Variants in KCNK10 observed in about 807,000 individuals in gnomAD.
KCNK10 encodes potassium two pore domain channel subfamily K member 10, also known as potassium channel subfamily K member 10.
Under a neutral mutation model 47.7 loss-of-function variants are expected in KCNK10, and 25 were observed. The ratio of observed to expected loss-of-function variants is 0.52; its 90% CI spans 0.38 to 0.73. KCNK10 has a LOEUF of 0.73. Among genes scored for constraint, KCNK10 ranks in the 30% least tolerant of loss-of-function variants. KCNK10 has a pLI of 0.00. For missense variants in KCNK10, 563 were observed against 714.5 expected (o/e 0.79, Z 2.42); for synonymous variants, 303 against 285.6 (o/e 1.06, Z -0.61).
At chr14:88,315,905 AAAG>A (rs1478926418) in intron 1 of KCNK10, among the ~76,000 whole-genome samples, 1 of 152,120 alleles carries the variant, frequency 6.6e-6, no homozygotes, top group African/African-American at 2.4e-5. Flanking sequence ...GGAATGAAGA[AAAG>A]AAGGACGGGA....
intron 5 of KCNK10, among the ~76,000 whole-genome samples, chr14:88,188,690 T>C (rs986596811): frequency 2.6e-5 from 4 of 152,102 alleles, no homozygotes; most frequent in African/African-American, 9.7e-5. Context: ...CTCCAAAGGG[T>C]CAGTTAGGCT....
chr14:88,193,051 C>T (rs905892657), intron 4 of KCNK10, among the ~76,000 whole-genome samples: 9 of 152,324 alleles, frequency 5.9e-5, no homozygotes, highest in Non-Finnish European at 8.8e-5. Flanking sequence ...TTTTAAAACA[C>T]ACCTGTCTGA....
chr14:88,213,810 T>C (rs1383579632), intron 4 of KCNK10, among the ~76,000 whole-genome samples: 15 of 151,976 alleles, frequency 9.9e-5, no homozygotes, highest in Non-Finnish European at 1.8e-4. Flanking sequence ...GGAAGAGATA[T>C]TTAATACTAC....
chr14:88,323,032 CG>C lies in KCNK10; in HGVS notation c.-235del, dbSNP rs2139810356. On this transcript the variant is annotated 5_prime_UTR_variant, in exon 1 of 7. Transcript: ENST00000319231. The stretch of plus-strand genomic sequence containing the variant: ...GCCAGGGGGTGGCCGGCCGCGGCCC[CG>C]TGGGTAAAAGAAAAAGTAAGATCGG... 16 of 1,324,592 alleles carry C rather than the reference CG, an allele frequency of 1.2e-5. No individual in the cohort carries two copies. In the Admixed American group the frequency reaches 1.3e-4, roughly 11 times the overall value. The allele number at this position is 1,324,592 out of a possible 1,614,324, so 82.1% of individuals were successfully genotyped here.
chr14:88,270,976 C>G, intron 1 of KCNK10: 2 of 633,310 alleles, frequency 3.2e-6, no homozygotes, highest in Middle Eastern at 3.2e-4. Context: ...ACTGCCACGC[C>G]CCCACAAGCA....
upstream of KCNK10, among the ~76,000 whole-genome samples, chr14:88,326,107 TC>T (rs113233449): frequency 0.15 from 21,991 of 149,656 alleles, 1,896 homozygotes; most frequent in African/African-American, 0.24. Flanking sequence ...TTTCCCCACC[TC>T]CAACCTCTGG....
At chr14:88,275,901 C>T (rs1021379891) in intron 1 of KCNK10, among the ~76,000 whole-genome samples, 3 of 151,728 alleles carry the variant, frequency 2.0e-5, no homozygotes, top group Non-Finnish European at 2.9e-5. Context: ...AAATAGGCTC[C>T]GGTAGACCAA....
chr14:88,242,569 G>T (rs1341241646), intron 2 of KCNK10, among the ~76,000 whole-genome samples: 1 of 152,124 alleles, frequency 6.6e-6, no homozygotes, highest in Non-Finnish European at 1.5e-5. Flanking sequence ...ACCGCAGCCG[G>T]CCACTGTTTC....
At chr14:88,215,791 C>G (rs900505120) in intron 4 of KCNK10, among the ~76,000 whole-genome samples, 1 of 152,124 alleles carries the variant, frequency 6.6e-6, no homozygotes, top group South Asian at 2.1e-4. Context: ...TTAAAGCTAC[C>G]TGGAAAATGT....
In KCNK10 at chr14:88,267,346, G is replaced by A. The variant is rs978254610; in HGVS notation, c.53-3795C>T. 2.6e-5 allele frequency among the ~76,000 whole-genome samples: 4 copies of A among 152,108 alleles called. 1 individual carries two copies. The East Asian group carries it at 7.7e-4, about 29-fold the overall frequency. On this transcript the variant is annotated intron_variant, in intron 1 of 6. Transcript: ENST00000319231. The stretch of plus-strand genomic sequence containing the variant: ...AGAAAAGGATCTGGATTGTGCTTAA[G>A]ATGGATAAATTCTTTTCTTTTTCTT...
At chr14:88,237,469 A>T (rs1283084678) in intron 3 of KCNK10, among the ~76,000 whole-genome samples, 2 of 152,224 alleles carry the variant, frequency 1.3e-5, no homozygotes, top group Non-Finnish European at 2.9e-5. Context: ...AAGATGTTCA[A>T]ATCACTTTGC....
At position 88,231,731 on chromosome 14, in the gene KCNK10, G is replaced by C. The variant is rs1886165175; in HGVS notation, c.521-4196C>G. Among the ~76,000 whole-genome samples, 5 of 152,326 alleles carry C rather than the reference G, an allele frequency of 3.3e-5. No individual in the cohort carries two copies. In the South Asian group the frequency reaches 1.0e-3, roughly 32 times the overall value. ...GTGCAGCCCTGTCATTGACAGAGCA[G>C]AGTCTGCTCTTCCTTCTGGCGTGGC... On this transcript the variant is annotated intron_variant, in intron 3 of 6. Coordinates refer to ENST00000319231, the MANE Select transcript of KCNK10 (RefSeq NM_138317.3).
In KCNK10 at chr14:88,180,783, G is replaced by C; in HGVS notation, c.*4752C>G. 1 of 398,790 alleles carries C rather than the reference G, an allele frequency of 2.5e-6. No individual in the cohort carries two copies. The highest frequency in any genetic ancestry group is 4.4e-6 in the Non-Finnish European group (1 of 226,068). The allele number at this position is 398,790 out of a possible 1,614,324, so 24.7% of individuals were successfully genotyped here. A position where few individuals can be genotyped will look rare whatever the true frequency, so the allele number is the denominator to read the frequency against. On this transcript the variant is annotated 3_prime_UTR_variant, in exon 7 of 7. Transcript: ENST00000319231. The stretch of plus-strand genomic sequence containing the variant: ...CATGGAGTATGGATGGGTTGGTGAA[G>C]TCCAATGAAGGTATGGTGCAGAGAC...
chr14:88,204,396 G>A (rs931373648), intron 4 of KCNK10, among the ~76,000 whole-genome samples: 2 of 152,184 alleles, frequency 1.3e-5, no homozygotes, highest in Admixed American at 1.3e-4. Flanking sequence ...CCTTGTCTGA[G>A]CCTTCAGGAT....
At chr14:88,188,929 G>T (rs1884655951) in intron 5 of KCNK10, among the ~76,000 whole-genome samples, 1 of 152,178 alleles carries the variant, frequency 6.6e-6, no homozygotes, top group Non-Finnish European at 1.5e-5. Context: ...AAAACAGGTT[G>T]CAAGCCCAAC....
intron 2 of KCNK10, among the ~76,000 whole-genome samples, chr14:88,248,410 G>A (rs937416190): frequency 1.3e-5 from 2 of 152,082 alleles, no homozygotes; most frequent in African/African-American, 4.8e-5. Context: ...TTGCTTTTGA[G>A]TGATCAATAT....
Position 88,263,092 on chromosome 14 carries a change from G to C in KCNK10, c.402+110C>G, listed in dbSNP as rs1304457228. 9.4e-6 allele frequency: 8 copies of C among 853,932 alleles called. No homozygotes were observed. The African/African-American group carries it at 1.4e-4, about 15-fold the overall frequency. 52.9% of individuals were successfully genotyped at this position (853,932 alleles called of 1,614,324 possible). The stretch of plus-strand genomic sequence containing the variant: ...TCACCTCCCTGGAGAGAACTTCCCT[G>C]ACCACCAAGAGCCTCTCAACTGAAG... On this transcript the variant is annotated intron_variant, in intron 2 of 6. Transcript: ENST00000319231.
chr14:88,230,813 T>G lies in KCNK10; in HGVS notation c.521-3278A>C, dbSNP rs1021461522. On this transcript the variant is annotated intron_variant, in intron 3 of 6. Coordinates refer to ENST00000319231, the MANE Select transcript of KCNK10 (RefSeq NM_138317.3). The stretch of plus-strand genomic sequence containing the variant: ...GAAATACCGGGCAAGTTATTTAACT[T>G]CTCTGGGCCTCAGTCTTCTCATAGA... Among the ~76,000 whole-genome samples the G allele has an allele frequency of 3.9e-5, 6 of 152,242 alleles. No individual in the cohort carries two copies. In the East Asian group the frequency reaches 1.2e-3, roughly 29 times the overall value.
rs756121715 is a variant in KCNK10, at chr14:88,185,484, C to A, written c.*51G>T. 21 of 1,023,592 alleles carry A rather than the reference C, an allele frequency of 2.1e-5. No individual in the cohort carries two copies. The South Asian group carries it at 2.4e-4, about 12-fold the overall frequency. The allele number at this position is 1,023,592 out of a possible 1,614,324, so 63.4% of individuals were successfully genotyped here. On this transcript the variant is annotated 3_prime_UTR_variant, in exon 7 of 7. Transcript: ENST00000319231. This position sits in a 1 kb window ranked among gnomAD's most constrained non-coding sequence, Gnocchi z 4.3. ...CATGTCTCAGTGTGAATATTAAAAACACACACACACACACACACAACGCTC... is the reference window on the plus strand; with the variant it reads ...CATGTCTCAGTGTGAATATTAAAAAAACACACACACACACACACAACGCTC...
Sources: allele counts gnomAD v4.1 joint callset (sites outside exome capture counted in the v4.1 genomes callset), GRCh38; gene constraint gnomAD v4.1.1; non-coding constraint Gnocchi (gnomAD v3.1); transcripts MANE v1.5; gene names NCBI Gene and HGNC (gene_info 2026-07-23, HGNC 2026-07-21).